SESN1: variants seen among roughly 807,000 people sequenced by gnomAD.
The protein encoded by SESN1 is sestrin 1, also known as sestrin-1.
Under a neutral mutation model 59.3 loss-of-function variants are expected in SESN1, and 30 were observed. That is an observed-to-expected ratio of 0.51 (90% CI 0.38 to 0.69). The LOEUF is 0.69. SESN1 is among the 30% of genes least tolerant of loss of function. The pLI, the probability that SESN1 is intolerant of heterozygous loss-of-function variation, is 0.00. For missense variants in SESN1, 566 were observed against 673.0 expected (o/e 0.84, Z 1.76); for synonymous variants, 197 against 219.9 (o/e 0.90, Z 0.92).
At chr6:109,070,337 G>A (rs1780910493) in intron 1 of SESN1, among the ~76,000 whole-genome samples, 2 of 152,188 alleles carry the variant, frequency 1.3e-5, no homozygotes, top group South Asian at 2.1e-4. Flanking sequence ...CAAATGGGCT[G>A]AGCCAGCTCT....
chr6:109,077,571 T>C (rs1781051459), intron 1 of SESN1, among the ~76,000 whole-genome samples: 1 of 151,950 alleles, frequency 6.6e-6, no homozygotes, highest in South Asian at 2.1e-4. Flanking sequence ...ATGAACTGAG[T>C]TTTGCAGATC....
chr6:109,006,140 A>C (rs1046847824), intron 1 of SESN1, among the ~76,000 whole-genome samples: 5 of 152,212 alleles, frequency 3.3e-5, no homozygotes, highest in Non-Finnish European at 5.9e-5. Context: ...CTGTAAACAA[A>C]GAACATGAGT....
Position 108,987,347 on chromosome 6 carries a change from T to G in SESN1, c.*197A>C, listed in dbSNP as rs1779225656. 6.2e-6 allele frequency: 3 copies of G among 484,766 alleles called. No individual in the cohort carries two copies. The highest frequency in any genetic ancestry group is 1.1e-5 in the Non-Finnish European group (3 of 273,874). The allele number at this position is 484,766 out of a possible 1,614,324, so 30.0% of individuals were successfully genotyped here. A position where few individuals can be genotyped will look rare whatever the true frequency, so the allele number is the denominator to read the frequency against. ...GAATGGCAGCCTGTCTTCACAGCTC[T>G]AAACTTGAAGCTGCCAAACAGTCAC... On this transcript the variant is annotated 3_prime_UTR_variant, in exon 10 of 10. Coordinates refer to ENST00000436639, the MANE Select transcript of SESN1 (RefSeq NM_014454.3).
intron 1 of SESN1, among the ~76,000 whole-genome samples, chr6:109,021,723 C>T (rs1780015244): frequency 6.6e-6 from 1 of 151,832 alleles, no homozygotes; most frequent in African/African-American, 2.4e-5. Context: ...AGGCATGAGC[C>T]ACCACACCTG....
intron 1 of SESN1, chr6:109,009,467 G>C (rs1013535686): frequency 3.1e-6 from 4 of 1,274,706 alleles, no homozygotes; most frequent in South Asian, 5.3e-5. Context: ...GCATGTCGGC[G>C]CGGGGACGGC....
chr6:108,998,763 G>GA lies in SESN1; in HGVS notation c.730-9_730-8insT. 4 of 1,580,184 alleles carry GA rather than the reference G, an allele frequency of 2.5e-6. No individual in the cohort carries two copies. The highest frequency in any genetic ancestry group is 1.9e-5 in the Admixed American group (1 of 53,086). On this transcript the variant is annotated splice_polypyrimidine_tract_variant and intron_variant, in intron 4 of 9. Transcript: ENST00000436639. ...TTCAGCTTTTAAAAGTCCCTTAGGGGGAAAAAAAAAAAGAATATATTTTTG... is the reference window on the plus strand; with the variant it reads ...TTCAGCTTTTAAAAGTCCCTTAGGGGAGAAAAAAAAAAAGAATATATTTTTG...
chr6:109,092,328 G>A (rs1226134477), intron 1 of SESN1, among the ~76,000 whole-genome samples: 1 of 152,188 alleles, frequency 6.6e-6, no homozygotes, highest in African/African-American at 2.4e-5. Context: ...AAGGACATTA[G>A]TAAAGGAGTG....
chr6:108,991,125 A>C (rs958825218), intron 7 of SESN1, among the ~76,000 whole-genome samples: 2 of 151,530 alleles, frequency 1.3e-5, no homozygotes, highest in Non-Finnish European at 2.9e-5. Flanking sequence ...ATTGGCCTTT[A>C]TGTCTTTCAC....
chr6:109,075,959 T>C (rs557803705), intron 1 of SESN1, among the ~76,000 whole-genome samples: 3 of 152,330 alleles, frequency 2.0e-5, no homozygotes, highest in African/African-American at 7.2e-5. Flanking sequence ...CTCCTCCCTT[T>C]GGCATGACTG....
At position 108,985,854 on chromosome 6, in the gene SESN1, A is replaced by G. The variant is rs1038322940; in HGVS notation, c.*1690T>C. ...TGCATATTCAATGAGTAATGCACTT[A>G]TAAGTAAGTTTCTTTAAATATAAAA... On this transcript the variant is annotated 3_prime_UTR_variant, in exon 10 of 10. Transcript: ENST00000436639. Among the ~76,000 whole-genome samples the G allele has an allele frequency of 2.0e-5, 3 of 152,242 alleles. No homozygotes were observed. Among genetic ancestry groups the G allele is most frequent in the Non-Finnish European group, 2.9e-5 (2 of 68,032 alleles).
chr6:108,994,350 C>T, intron 6 of SESN1, 112 bp downstream of exon 6: 5 of 800,122 alleles, frequency 6.2e-6, no homozygotes, highest in Non-Finnish European at 7.5e-6. Flanking sequence ...ATGCAATAGT[C>T]TCTCTAAAAG....
In SESN1 at chr6:109,064,583, G is replaced by A. The variant is rs1294359622; in HGVS notation, c.279+29212C>T. On this transcript the variant is annotated intron_variant, in intron 1 of 9. Transcript: ENST00000436639. ...GAGAAGAGAGGAGGGGAGAGGAGAGGAGAGGAGAGGGGAGGGGAGGGGAGG... is the reference window on the plus strand; with the variant it reads ...GAGAAGAGAGGAGGGGAGAGGAGAGAAGAGGAGAGGGGAGGGGAGGGGAGG... 3.7e-5 allele frequency among the ~76,000 whole-genome samples: 3 copies of A among 80,728 alleles called. No individual in the cohort carries two copies. The Admixed American group carries it at 4.1e-4, about 11-fold the overall frequency. 53.0% of individuals were successfully genotyped at this position (80,728 alleles called of 152,430 possible).
intron 1 of SESN1, among the ~76,000 whole-genome samples, chr6:109,076,009 GTCTC>G (rs1279461611): frequency 6.6e-6 from 1 of 152,110 alleles, no homozygotes; most frequent in African/African-American, 2.4e-5. Flanking sequence ...TCACTGCATA[GTCTC>G]TCTCTGTCAT....
intron 1 of SESN1, among the ~76,000 whole-genome samples, chr6:109,045,557 C>CT (rs1780415743): frequency 1.3e-5 from 2 of 152,186 alleles, no homozygotes. Flanking sequence ...TGGTTCTGTA[C>CT]TTTTGCACAT....
At chr6:108,991,618 T>C (rs571062357) in intron 7 of SESN1, among the ~76,000 whole-genome samples, 15 of 152,324 alleles carry the variant, frequency 9.8e-5, no homozygotes, top group Non-Finnish European at 2.1e-4. Context: ...TTTAGCCCTA[T>C]TAACTGAGTC....
At chr6:109,050,303 T>C (rs1322344841) in intron 1 of SESN1, among the ~76,000 whole-genome samples, 3 of 150,686 alleles carry the variant, frequency 2.0e-5, no homozygotes, top group Non-Finnish European at 4.4e-5. Context: ...CGCCATTAAG[T>C]AGCAGTCAAA....
chr6:108,999,870 C>A (rs1779577336), intron 4 of SESN1: 1 of 152,148 alleles, frequency 6.6e-6, no homozygotes, highest in African/African-American at 2.4e-5. Context: ...TTGCCCCAAA[C>A]TGGCAGTAAC....
At chr6:109,031,272 G>A (rs1461674881) in intron 1 of SESN1, among the ~76,000 whole-genome samples, 1 of 152,156 alleles carries the variant, frequency 6.6e-6, no homozygotes, top group African/African-American at 2.4e-5. Flanking sequence ...ACTGCAGGGG[G>A]TAATAAAGGA....
intron 1 of SESN1, among the ~76,000 whole-genome samples, chr6:109,067,393 AC>A (rs1387625658): frequency 6.6e-6 from 1 of 152,236 alleles, no homozygotes; most frequent in Non-Finnish European, 1.5e-5. Context: ...TCTTTTATGG[AC>A]ATTTTGGAGG....
Sources: gnomAD v4.1 joint callset for allele counts (sites outside exome capture counted in the v4.1 genomes callset) on GRCh38, gnomAD v4.1.1 for gene constraint, MANE v1.5 for transcripts, NCBI Gene and HGNC (gene_info 2026-07-23, HGNC 2026-07-21) for gene names.